The following KLF12 variants were observed in gnomAD, a reference collection of about 807,000 sequenced individuals.
KLF12 encodes Krueppel-like factor 12.
A neutral mutation model predicts 37.8 loss-of-function variants in KLF12; 9 were observed. The ratio of observed to expected loss-of-function variants is 0.24; its 90% CI spans 0.14 to 0.42. KLF12 has a LOEUF of 0.42. KLF12 is among the 10% of genes least tolerant of loss of function. The pLI is 1.00. For synonymous variants in KLF12, 208 were observed against 202.1 expected (o/e 1.03, Z -0.25); for missense variants, 411 against 516.0 (o/e 0.80, Z 1.97).
chr13:74,200,609 C>A, the KLF12 span, among the ~76,000 whole-genome samples: 1 of 151,988 alleles, frequency 6.6e-6, no homozygotes, highest in Admixed American at 6.6e-5. Flanking sequence ...TTCCGATTGC[C>A]CAAGTCAGAC....
At chr13:73,733,634 G>A (rs1877234839) in intron 6 of KLF12, among the ~76,000 whole-genome samples, 1 of 152,072 alleles carries the variant, frequency 6.6e-6, no homozygotes, top group Non-Finnish European at 1.5e-5. Context: ...ACGCTGTTAT[G>A]ACCAGTATCT....
At chr13:73,841,349 A>G (rs912881716) in intron 4 of KLF12, among the ~76,000 whole-genome samples, 1 of 152,166 alleles carries the variant, frequency 6.6e-6, no homozygotes, top group Admixed American at 6.5e-5. Flanking sequence ...AAGAAGAAAA[A>G]TTAACTTGGG....
In KLF12 at chr13:73,719,515, T is replaced by G. The variant is rs143662612; in HGVS notation, c.870-3990A>C. 3.4e-3 allele frequency among the ~76,000 whole-genome samples: 517 copies of G among 152,276 alleles called. 6 individuals are homozygous for G. Among genetic ancestry groups the G allele is most frequent in the African/African-American group, 0.012 (501 of 41,548 alleles). On this transcript the variant is annotated intron_variant, in intron 6 of 7. Transcript: ENST00000377669. ...ATTTTATAAGTAATTTATTAATTCT[T>G]AATTGGTTAATTCTTACCAGGATAC...
At chr13:74,242,176 A>G in the KLF12 span, among the ~76,000 whole-genome samples, 6 of 152,252 alleles carry the variant, frequency 3.9e-5, no homozygotes, top group African/African-American at 7.2e-5. Flanking sequence ...GGTAGATTTA[A>G]TCTTGTAAGA....
chr13:73,863,354 A>G (rs1157889350), intron 3 of KLF12, among the ~76,000 whole-genome samples: 1 of 152,134 alleles, frequency 6.6e-6, no homozygotes, highest in Non-Finnish European at 1.5e-5. Context: ...ATTCCAACAG[A>G]CAGGTTTGTG....
the KLF12 span, among the ~76,000 whole-genome samples, chr13:74,200,133 A>G: frequency 6.6e-6 from 1 of 152,048 alleles, no homozygotes; most frequent in Non-Finnish European, 1.5e-5. Context: ...AATGGCAGAG[A>G]AGGGAGCTAG....
chr13:73,893,313 A>G (rs186878811), intron 3 of KLF12, among the ~76,000 whole-genome samples: 2 of 148,690 alleles, frequency 1.3e-5, no homozygotes, highest in East Asian at 2.0e-4. Flanking sequence ...TAATTTGATC[A>G]GTTCATTTTT....
At chr13:73,760,624 A>G (rs1246656369) in intron 6 of KLF12, among the ~76,000 whole-genome samples, 4 of 152,164 alleles carry the variant, frequency 2.6e-5, no homozygotes, top group African/African-American at 9.7e-5. Flanking sequence ...CATTTGGCCA[A>G]TGATTACTAT....
intron 3 of KLF12, among the ~76,000 whole-genome samples, chr13:73,910,388 G>T (rs1472210625): frequency 6.6e-6 from 1 of 152,052 alleles, no homozygotes; most frequent in Non-Finnish European, 1.5e-5. Flanking sequence ...GCAAAATTTT[G>T]TAATCAAGTC....
At chr13:73,806,759 C>T (rs554465496) in intron 5 of KLF12, among the ~76,000 whole-genome samples, 1 of 151,710 alleles carries the variant, frequency 6.6e-6, no homozygotes, top group Non-Finnish European at 1.5e-5. Flanking sequence ...TATCATGGGG[C>T]AAATTAAATG....
the KLF12 span, among the ~76,000 whole-genome samples, chr13:74,181,815 A>C: frequency 6.6e-6 from 1 of 151,956 alleles, no homozygotes; most frequent in Non-Finnish European, 1.5e-5. Context: ...CTGTATATGT[A>C]TCTTTGAAAT....
chr13:74,186,337 C>G, the KLF12 span, among the ~76,000 whole-genome samples: 2 of 152,200 alleles, frequency 1.3e-5, no homozygotes, highest in East Asian at 3.9e-4. Flanking sequence ...ACTTAACCAC[C>G]TTGCCCTTCC....
chr13:74,115,541 C>G (rs1370542896), intron 1 of KLF12, among the ~76,000 whole-genome samples: 1 of 151,876 alleles, frequency 6.6e-6, no homozygotes, highest in South Asian at 2.1e-4. Flanking sequence ...CCTGTCTCTA[C>G]TAAAAATACA....
Position 74,058,353 on chromosome 13 carries a change from C to CTT in KLF12, c.-31-63302_-31-63301dup, listed in dbSNP as rs55954411. Among the ~76,000 whole-genome samples the CTT allele has an allele frequency of 1.9e-3, 139 of 72,642 alleles. 6 individuals are homozygous for CTT. The highest frequency in any genetic ancestry group is 2.1e-3 in the Non-Finnish European group (79 of 38,464). 47.7% of individuals were successfully genotyped at this position (72,642 alleles called of 152,430 possible). The stretch of plus-strand genomic sequence containing the variant: ...GAAGGAATTTATCTCATAATTTTAT[C>CTT]TTTTTTTTTTTTTTTTTTTTTGAGA... On this transcript the variant is annotated intron_variant, in intron 1 of 7. Transcript: ENST00000377669.
chr13:73,825,633 T>C (rs1883793976), intron 4 of KLF12, among the ~76,000 whole-genome samples: 1 of 152,246 alleles, frequency 6.6e-6, no homozygotes, highest in Admixed American at 6.5e-5. Flanking sequence ...TGCATGGTGC[T>C]TGAGGTTGCT....
At chr13:74,205,952 G>A in the KLF12 span, among the ~76,000 whole-genome samples, 6 of 152,214 alleles carry the variant, frequency 3.9e-5, no homozygotes, top group Admixed American at 3.9e-4. Context: ...CAGTTGCCTT[G>A]GAGGTAATGT....
At chr13:73,807,264 G>A (rs1448887385) in intron 5 of KLF12, among the ~76,000 whole-genome samples, 8 of 151,510 alleles carry the variant, frequency 5.3e-5, no homozygotes, top group South Asian at 2.1e-4. Context: ...AGCCGAGATC[G>A]TGCCATTGCA....
intron 1 of KLF12, among the ~76,000 whole-genome samples, chr13:74,062,893 G>A (rs914508626): frequency 6.6e-6 from 1 of 152,160 alleles, no homozygotes; most frequent in Non-Finnish European, 1.5e-5. Flanking sequence ...CCTTGACAAT[G>A]AGACCCCACT....
At chr13:73,861,908 G>A (rs1303250719) in intron 3 of KLF12, among the ~76,000 whole-genome samples, 1 of 152,106 alleles carries the variant, frequency 6.6e-6, no homozygotes, top group Non-Finnish European at 1.5e-5. Context: ...GACAGAATAT[G>A]TAGAAAAATT....
Sources: gnomAD v4.1 joint callset for allele counts (sites outside exome capture counted in the v4.1 genomes callset) on GRCh38, gnomAD v4.1.1 for gene constraint, MANE v1.5 for transcripts, NCBI Gene and HGNC (gene_info 2026-07-23, HGNC 2026-07-21) for gene names.